The following DCDC2 variants were observed in gnomAD, a reference collection of about 807,000 sequenced individuals.
DCDC2 encodes doublecortin domain containing 2, also known as doublecortin domain-containing protein 2.
DCDC2 carries 40 observed loss-of-function variants against 50.2 expected under a neutral mutation model. That is an observed-to-expected ratio of 0.80 (90% CI 0.62 to 1.04). The LOEUF is 1.04. Ranked by LOEUF, DCDC2 falls within the 50% of genes least tolerant of loss-of-function variation. DCDC2 has a pLI of 0.00. For synonymous variants in DCDC2, 234 were observed against 210.6 expected, an observed-to-expected ratio of 1.11 and a Z score of -0.96; for missense variants, 570 against 581.9, an observed-to-expected ratio of 0.98 and a Z score of 0.21.
upstream of DCDC2, among the ~76,000 whole-genome samples, chr6:24,361,165 G>A (rs1401876711): frequency 2.0e-5 from 3 of 151,984 alleles, no homozygotes; most frequent in South Asian, 2.1e-4. Flanking sequence ...GTTTTCAAAC[G>A]CAGGAACAAA....
At position 24,175,892 on chromosome 6, in the gene DCDC2, T is replaced by C. The variant is rs375673509; in HGVS notation, c.1327-1058A>G. On this transcript the variant is annotated intron_variant, in intron 9 of 9. Coordinates refer to ENST00000378454, the MANE Select transcript of DCDC2 (RefSeq NM_016356.5). Reference sequence around the variant, plus strand: ...CATATATTTCGGTATGCTTAAAATATACCTATACTAATATGTTAGGGAGAA... The same window carrying C: ...CATATATTTCGGTATGCTTAAAATACACCTATACTAATATGTTAGGGAGAA... 1.2e-3 allele frequency among the ~76,000 whole-genome samples: 189 copies of C among 152,340 alleles called. 2 individuals carry two copies. Among genetic ancestry groups the C allele is most frequent in the South Asian group, 3.7e-3 (18 of 4,828 alleles).
At chr6:24,320,969 A>T (rs964218466) in intron 2 of DCDC2, among the ~76,000 whole-genome samples, 8 of 151,834 alleles carry the variant, frequency 5.3e-5, no homozygotes, top group Non-Finnish European at 8.8e-5. Flanking sequence ...AAAAAAAAAA[A>T]AAAAACAGCA....
At chr6:24,297,214 A>G (rs1759271795) in intron 4 of DCDC2, among the ~76,000 whole-genome samples, 1 of 152,232 alleles carries the variant, frequency 6.6e-6, no homozygotes, top group African/African-American at 2.4e-5. Context: ...ACACAGGAAC[A>G]GAAAACCTCA....
At chr6:24,291,198 TG>T in intron 4 of DCDC2, 120 bp from the exon 5 acceptor site, 3 of 998,904 alleles carry the variant, frequency 3.0e-6, no homozygotes, top group Non-Finnish European at 4.4e-6. Flanking sequence ...AAAAACATTC[TG>T]TACTTAATTT....
chr6:24,376,032 A>AC, the DCDC2 span, among the ~76,000 whole-genome samples: 5 of 149,734 alleles, frequency 3.3e-5, no homozygotes, highest in South Asian at 2.1e-4. Context: ...CTCCTGGAAA[A>AC]AAAAAAACAA....
intron 7 of DCDC2, among the ~76,000 whole-genome samples, chr6:24,247,711 G>GTA (rs1394471629): frequency 2.6e-5 from 4 of 152,198 alleles, no homozygotes; most frequent in Admixed American, 6.5e-5. Flanking sequence ...TGGAATATGG[G>GTA]TATAGCAACA....
At chr6:24,348,643 AG>A (rs1191177035) in intron 2 of DCDC2, among the ~76,000 whole-genome samples, 1 of 152,230 alleles carries the variant, frequency 6.6e-6, no homozygotes, top group Non-Finnish European at 1.5e-5. Flanking sequence ...ATCAAGTTGT[AG>A]AAAAAGACTT....
intron 2 of DCDC2, among the ~76,000 whole-genome samples, chr6:24,342,120 T>C (rs954225866): frequency 1.5e-4 from 23 of 152,224 alleles, no homozygotes; most frequent in African/African-American, 5.1e-4. Flanking sequence ...TTTACTTCCC[T>C]TATTCCTTTA....
At chr6:24,278,289 C>T in intron 6 of DCDC2, 78 bp from the exon 7 acceptor site, 1 of 1,367,944 alleles carries the variant, frequency 7.3e-7, no homozygotes, top group Non-Finnish European at 1.0e-6. Flanking sequence ...ATGTCATTAA[C>T]TACTGGTAAG....
intron 6 of DCDC2, among the ~76,000 whole-genome samples, chr6:24,280,481 C>T (rs1763447223): frequency 6.6e-6 from 1 of 151,932 alleles, no homozygotes. Flanking sequence ...AAAGCATCAG[C>T]CAAGTCTCAT....
At chr6:24,214,270 G>A (rs1269261398) in intron 7 of DCDC2, among the ~76,000 whole-genome samples, 1 of 152,124 alleles carries the variant, frequency 6.6e-6, no homozygotes, top group Non-Finnish European at 1.5e-5. Context: ...AATCACCACA[G>A]TTATTTAACC....
At chr6:24,294,464 C>CA (rs1273422403) in intron 4 of DCDC2, among the ~76,000 whole-genome samples, 2 of 151,782 alleles carry the variant, frequency 1.3e-5, no homozygotes, top group East Asian at 3.9e-4. Context: ...AAGAAATAAC[C>CA]AAAATCAGAG....
At chr6:24,326,231 A>G (rs576243821) in intron 2 of DCDC2, among the ~76,000 whole-genome samples, 8 of 145,076 alleles carry the variant, frequency 5.5e-5, no homozygotes, top group African/African-American at 1.2e-4. Context: ...GGAAGGAAGG[A>G]AGGGAGGGAG....
At chr6:24,302,303 A>AG (rs1312647727) in intron 2 of DCDC2, among the ~76,000 whole-genome samples, 3 of 150,122 alleles carry the variant, frequency 2.0e-5, no homozygotes, top group African/African-American at 7.4e-5. Context: ...GGAAAAAAAA[A>AG]AAAAACAGAA....
chr6:24,238,499 A>C (rs1467611312), intron 7 of DCDC2, among the ~76,000 whole-genome samples: 1 of 151,796 alleles, frequency 6.6e-6, no homozygotes, highest in Non-Finnish European at 1.5e-5. Context: ...GGGTTTCACC[A>C]TGTTGGCCAG....
chr6:24,239,257 T>C (rs1762518001), intron 7 of DCDC2, among the ~76,000 whole-genome samples: 1 of 151,820 alleles, frequency 6.6e-6, no homozygotes, highest in Non-Finnish European at 1.5e-5. Flanking sequence ...ACACCAGGAG[T>C]GGCATTCCCT....
chr6:24,361,986 A>T (rs1363896227), upstream of DCDC2, among the ~76,000 whole-genome samples: 1 of 152,010 alleles, frequency 6.6e-6, no homozygotes, highest in Non-Finnish European at 1.5e-5. Flanking sequence ...TCTGTAGTTT[A>T]CTCCAAATAT....
At chr6:24,381,955 AGAAAGAAG>A in the DCDC2 span, among the ~76,000 whole-genome samples, 31 of 96,970 alleles carry the variant, frequency 3.2e-4, no homozygotes, top group African/African-American at 1.0e-3. Flanking sequence ...GAAGAAGGAA[AGAAAGAAG>A]GAAGGAAGGA....
At chr6:24,376,282 T>C in the DCDC2 span, among the ~76,000 whole-genome samples, 1 of 152,298 alleles carries the variant, frequency 6.6e-6, no homozygotes, top group East Asian at 1.9e-4. Flanking sequence ...TTGTACTGTA[T>C]GTAAAATGTA....
Sources: allele counts gnomAD v4.1 joint callset (sites outside exome capture counted in the v4.1 genomes callset), GRCh38; gene constraint gnomAD v4.1.1; transcripts MANE v1.5; gene names NCBI Gene and HGNC (gene_info 2026-07-23, HGNC 2026-07-21).